The following PLXDC2 variants were observed in gnomAD, a reference collection of about 807,000 sequenced individuals.
The protein encoded by PLXDC2 is plexin domain containing 2, also known as plexin domain-containing protein 2.
Under a neutral mutation model 68.9 loss-of-function variants are expected in PLXDC2, and 40 were observed. The observed-to-expected ratio is 0.58, with a 90% CI of 0.45 to 0.76. The LOEUF (loss-of-function observed/expected upper bound fraction) is 0.76, where lower values mean the gene tolerates loss of function less well. PLXDC2 is among the 30% of genes least tolerant of loss of function. The pLI is 0.00. For synonymous variants in PLXDC2, 243 were observed against 234.2 expected (o/e 1.04, Z -0.34); for missense variants, 644 against 661.9 (o/e 0.97, Z 0.30).
intron 1 of PLXDC2, among the ~76,000 whole-genome samples, chr10:19,938,395 T>C (rs1833763101): frequency 6.6e-6 from 1 of 152,194 alleles, no homozygotes; most frequent in African/African-American, 2.4e-5. Context: ...CTCCACGCTG[T>C]ACAGGAAGCA....
chr10:20,152,024 T>C (rs1173272143), intron 6 of PLXDC2, among the ~76,000 whole-genome samples: 2 of 152,132 alleles, frequency 1.3e-5, no homozygotes, highest in Admixed American at 1.3e-4. Flanking sequence ...ATAAATTTAG[T>C]TAAGTAAATT....
At chr10:19,876,250 T>C (rs963542052) in intron 1 of PLXDC2, among the ~76,000 whole-genome samples, 4 of 152,150 alleles carry the variant, frequency 2.6e-5, no homozygotes, top group African/African-American at 7.2e-5. Context: ...ATCTTTGAAA[T>C]TGATTTGAAA....
intron 9 of PLXDC2, among the ~76,000 whole-genome samples, chr10:20,178,216 A>T (rs758045135): frequency 1.5e-4 from 23 of 152,152 alleles, no homozygotes; most frequent in Non-Finnish European, 2.4e-4. Flanking sequence ...TAATTAGCTA[A>T]CCCTGAAACT....
chr10:20,080,984 C>A (rs1280985035), intron 4 of PLXDC2, among the ~76,000 whole-genome samples: 1 of 152,182 alleles, frequency 6.6e-6, no homozygotes, highest in East Asian at 1.9e-4. Context: ...CTTAGGGGGA[C>A]CTTTAAACTT....
chr10:20,218,209 T>C (rs533922520), intron 11 of PLXDC2, among the ~76,000 whole-genome samples: 1 of 152,248 alleles, frequency 6.6e-6, no homozygotes, highest in African/African-American at 2.4e-5. Flanking sequence ...TTCTGAATGA[T>C]ACCACCAGGA....
chr10:19,896,957 A>G (rs1218845250), intron 1 of PLXDC2, among the ~76,000 whole-genome samples: 3 of 152,034 alleles, frequency 2.0e-5, no homozygotes, highest in African/African-American at 7.2e-5. Flanking sequence ...CTTCATATTT[A>G]CTTGATTATT....
intron 2 of PLXDC2, among the ~76,000 whole-genome samples, chr10:20,010,604 T>C (rs955674333): frequency 2.2e-4 from 34 of 152,248 alleles, no homozygotes; most frequent in African/African-American, 8.2e-4. Context: ...CACTGTTAGC[T>C]AATTGAGTTT....
At chr10:19,949,625 A>G (rs1244939693) in intron 1 of PLXDC2, among the ~76,000 whole-genome samples, 2 of 152,240 alleles carry the variant, frequency 1.3e-5, no homozygotes, top group South Asian at 2.1e-4. Context: ...ATTCCTTAAT[A>G]TATACTGATT....
At chr10:20,252,225 A>G (rs1387902612) in intron 13 of PLXDC2, among the ~76,000 whole-genome samples, 1 of 152,208 alleles carries the variant, frequency 6.6e-6, no homozygotes, top group Non-Finnish European at 1.5e-5. Flanking sequence ...GCTGCTGCCT[A>G]TATGGACTTC....
At chr10:19,977,482 C>T (rs1238111044) in intron 1 of PLXDC2, among the ~76,000 whole-genome samples, 1 of 152,304 alleles carries the variant, frequency 6.6e-6, no homozygotes, top group East Asian at 1.9e-4. Flanking sequence ...AATGTTTCCA[C>T]ATTCTGATGA....
rs182039760 is a variant in PLXDC2, at chr10:20,122,866, G to A, written c.542-20429G>A. ...TCGGGAGCAGATTGGGTAATAAAAT[G>A]CATTTTGAGAATAAGACGGCCTTTT... On this transcript the variant is annotated intron_variant, in intron 4 of 13. Transcript: ENST00000377252. Among the ~76,000 whole-genome samples the A allele has an allele frequency of 1.2e-4, 19 of 152,302 alleles. No individual in the cohort carries two copies. In the East Asian group the frequency reaches 3.1e-3, roughly 25 times the overall value.
At position 20,151,228 on chromosome 10, in the gene PLXDC2, C is replaced by T. The variant is rs145749318; in HGVS notation, c.783+3326C>T. On this transcript the variant is annotated intron_variant, in intron 6 of 13. Coordinates refer to ENST00000377252, the MANE Select transcript of PLXDC2 (RefSeq NM_032812.9). Reference sequence around the variant, plus strand: ...TGAGGTGAGAGCTAGAAGCTCCTGGCACTGCTGGAAAAATATTCCTAATCA... The same window carrying T: ...TGAGGTGAGAGCTAGAAGCTCCTGGTACTGCTGGAAAAATATTCCTAATCA... 8.4e-3 allele frequency among the ~76,000 whole-genome samples: 1,283 copies of T among 152,234 alleles called. 15 individuals carry two copies. Among genetic ancestry groups the T allele is most frequent in the Admixed American group, 7.5e-3 (114 of 15,298 alleles).
intron 1 of PLXDC2, among the ~76,000 whole-genome samples, chr10:19,970,448 GTA>G (rs1282915572): frequency 6.6e-6 from 1 of 152,142 alleles, no homozygotes; most frequent in Non-Finnish European, 1.5e-5. Context: ...GCCTTCCTGT[GTA>G]TAACTGTCAT....
At chr10:20,152,707 G>A (rs1834167403) in intron 6 of PLXDC2, among the ~76,000 whole-genome samples, 1 of 151,802 alleles carries the variant, frequency 6.6e-6, no homozygotes, top group Non-Finnish European at 1.5e-5. Context: ...TAAACCTTAT[G>A]ACTAATAACT....
intron 1 of PLXDC2, among the ~76,000 whole-genome samples, chr10:19,967,760 A>C (rs1482295975): frequency 1.3e-5 from 2 of 152,210 alleles, no homozygotes; most frequent in African/African-American, 4.8e-5. Flanking sequence ...AGAAAACAGT[A>C]AAAAATCAGA....
chr10:19,906,410 T>C (rs1186801148), intron 1 of PLXDC2, among the ~76,000 whole-genome samples: 1 of 152,218 alleles, frequency 6.6e-6, no homozygotes, highest in Non-Finnish European at 1.5e-5. Flanking sequence ...GCTTGTATTA[T>C]GGTTTATGCA....
intron 4 of PLXDC2, among the ~76,000 whole-genome samples, chr10:20,122,380 C>G (rs960400519): frequency 6.6e-6 from 1 of 152,072 alleles, no homozygotes; most frequent in African/African-American, 2.4e-5. Context: ...GCTCAGCGTC[C>G]GTGATGGTCT....
At chr10:19,993,789 T>G (rs1416399154) in intron 1 of PLXDC2, among the ~76,000 whole-genome samples, 2 of 152,194 alleles carry the variant, frequency 1.3e-5, no homozygotes, top group Non-Finnish European at 2.9e-5. Flanking sequence ...ATATATATAT[T>G]TTTTAAATTG....
chr10:19,915,862 AAAG>A (rs71507296), intron 1 of PLXDC2, among the ~76,000 whole-genome samples: 27,179 of 149,986 alleles, frequency 0.18, 3,832 homozygotes, highest in African/African-American at 0.39. Context: ...AACCAAAAAA[AAAG>A]AAGAAGAAGA....
Sources: allele counts gnomAD v4.1 joint callset (sites outside exome capture counted in the v4.1 genomes callset), GRCh38; gene constraint gnomAD v4.1.1; transcripts MANE v1.5; gene names NCBI Gene and HGNC (gene_info 2026-07-23, HGNC 2026-07-21).